The following TTC7B variants were observed in gnomAD, a reference collection of about 807,000 sequenced individuals.
TTC7B encodes the protein tetratricopeptide repeat protein 7B.
A neutral mutation model predicts 106.8 loss-of-function variants in TTC7B; 28 were observed. That is an observed-to-expected ratio of 0.26 (90% CI 0.19 to 0.36). The LOEUF is 0.36. TTC7B is among the 10% of genes least tolerant of loss of function. The pLI is 1.00. For missense variants in TTC7B, 862 were observed against 1,076.4 expected (o/e 0.80, Z 2.79); for synonymous variants, 405 against 430.6 (o/e 0.94, Z 0.74).
intron 19 of TTC7B, among the ~76,000 whole-genome samples, chr14:90,565,651 C>T (rs542363130): frequency 4.6e-5 from 7 of 152,210 alleles, no homozygotes; most frequent in East Asian, 3.9e-4. Context: ...CTGCCCGCCT[C>T]GGCCTCCCAA....
At chr14:90,694,469 A>G (rs1422677823) in intron 6 of TTC7B, among the ~76,000 whole-genome samples, 5 of 151,800 alleles carry the variant, frequency 3.3e-5, no homozygotes, top group Non-Finnish European at 4.4e-5. Context: ...AAAACTTTAA[A>G]TGAGTAAACT....
chr14:90,771,674 C>T (rs529557274), intron 3 of TTC7B, among the ~76,000 whole-genome samples: 2 of 151,414 alleles, frequency 1.3e-5, no homozygotes, highest in African/African-American at 2.4e-5. Context: ...TATTTAATGA[C>T]GTGGAAAAAT....
At chr14:90,591,337 A>C (rs1214394103) in intron 18 of TTC7B, among the ~76,000 whole-genome samples, 3 of 152,064 alleles carry the variant, frequency 2.0e-5, no homozygotes, top group African/African-American at 7.2e-5. Flanking sequence ...TGAGACTCCA[A>C]CCCCCCGAAA....
At position 90,816,352 on chromosome 14, in the gene TTC7B, C is replaced by CGGTG; in HGVS notation, c.-58_-57insCACC. On this transcript the variant is annotated 5_prime_UTR_variant, in exon 1 of 20. Transcript: ENST00000328459. ...GCAGGCCCCACCGCCGCCGCCGCGGCGCCCCCTCGCCGCCTCCCGCCGCCG... is the reference window on the plus strand; with the variant it reads ...GCAGGCCCCACCGCCGCCGCCGCGGCGGTGGCCCCCTCGCCGCCTCCCGCCGCCG... The CGGTG allele has an allele frequency of 1.1e-6, 1 of 930,592 alleles. No individual in the cohort carries two copies. The highest frequency in any genetic ancestry group is 1.3e-6 in the Non-Finnish European group (1 of 783,002). The allele number at this position is 930,592 out of a possible 1,614,324, so 57.6% of individuals were successfully genotyped here. A position where few individuals can be genotyped will look rare whatever the true frequency, so the allele number is the denominator to read the frequency against.
At chr14:90,780,490 G>GAAAGAAAGAAAGAAAGAAA (rs1891182016) in intron 3 of TTC7B, among the ~76,000 whole-genome samples, 9 of 147,646 alleles carry the variant, frequency 6.1e-5, no homozygotes, top group East Asian at 6.0e-4. Context: ...AAGAAAGAAA[G>GAAAGAAAGAAAGAAAGAAA]GAAAGAAACT....
chr14:90,709,981 G>GAAAAA (rs71461919), intron 5 of TTC7B, among the ~76,000 whole-genome samples: 65 of 76,542 alleles, frequency 8.5e-4, no homozygotes, highest in Non-Finnish European at 1.1e-3. Context: ...TTATGTGCCA[G>GAAAAA]AAAAAAAAAA....
chr14:90,679,528 G>C lies in TTC7B; in HGVS notation c.1014+944C>G, dbSNP rs946792362. Among the ~76,000 whole-genome samples, 7 of 152,320 alleles carry C rather than the reference G, an allele frequency of 4.6e-5. No homozygotes were observed. The East Asian group carries it at 9.7e-4, about 21-fold the overall frequency. On this transcript the variant is annotated intron_variant, in intron 8 of 19. Transcript: ENST00000328459. The stretch of plus-strand genomic sequence containing the variant: ...TGGCGGTAAGCGGTGACAACTATGG[G>C]GAGGGGGCAGTACAATCTCCTAGCA...
At position 90,690,192 on chromosome 14, in the gene TTC7B, T is replaced by C. The variant is rs527236265; in HGVS notation, c.778-480A>G. Among the ~76,000 whole-genome samples the C allele has an allele frequency of 9.8e-4, 149 of 152,326 alleles. 1 individual carries two copies. The highest frequency in any genetic ancestry group is 1.8e-3 in the Non-Finnish European group (120 of 68,024). On this transcript the variant is annotated intron_variant, in intron 6 of 19. Coordinates refer to ENST00000328459, the MANE Select transcript of TTC7B (RefSeq NM_001010854.2). ...CACTGTAGACGTCTTCTTTCTTACA[T>C]GTACCAATGGCAGGGCCTAATCATC... is the stretch of plus-strand genomic sequence containing the variant.
chr14:90,717,892 C>T (rs1566853337), intron 5 of TTC7B, among the ~76,000 whole-genome samples: 1 of 152,226 alleles, frequency 6.6e-6, no homozygotes, highest in Non-Finnish European at 1.5e-5. Flanking sequence ...CCAACAGATA[C>T]ATCTGGACCC....
At chr14:90,637,588 T>C (rs1884999370) in intron 15 of TTC7B, among the ~76,000 whole-genome samples, 1 of 152,144 alleles carries the variant, frequency 6.6e-6, no homozygotes, top group Admixed American at 6.5e-5. Context: ...TAGGCCTATT[T>C]TGCAAATGTA....
At chr14:90,792,237 C>T (rs1337658368) in intron 1 of TTC7B, among the ~76,000 whole-genome samples, 1 of 152,080 alleles carries the variant, frequency 6.6e-6, no homozygotes, top group Non-Finnish European at 1.5e-5. Flanking sequence ...TGGGGGAATG[C>T]GCCAGAGTCG....
At chr14:90,740,663 G>A in intron 4 of TTC7B, among the ~76,000 whole-genome samples, 1 of 151,758 alleles carries the variant, frequency 6.6e-6, no homozygotes, top group African/African-American at 2.4e-5. Flanking sequence ...CACCATGCCT[G>A]GCTAATTTTT....
At chr14:90,665,964 A>G (rs1886393897) in intron 9 of TTC7B, among the ~76,000 whole-genome samples, 1 of 152,220 alleles carries the variant, frequency 6.6e-6, no homozygotes, top group Non-Finnish European at 1.5e-5. Context: ...ATTTTGGGCC[A>G]TCACCTTATA....
intron 5 of TTC7B, among the ~76,000 whole-genome samples, chr14:90,708,982 T>C (rs1305295370): frequency 2.7e-5 from 4 of 150,688 alleles, no homozygotes; most frequent in Admixed American, 2.0e-4. Context: ...AAAACCACAA[T>C]GAGATACCAT....
At chr14:90,794,207 ATTT>A (rs1220823474) in intron 1 of TTC7B, among the ~76,000 whole-genome samples, 17,645 of 130,252 alleles carry the variant, frequency 0.14, 1,426 homozygotes, top group Non-Finnish European at 0.17. Context: ...CTGGCTGGGT[ATTT>A]CTTTTTTTTT....
At chr14:90,572,773 C>A (rs1003506267) in intron 19 of TTC7B, among the ~76,000 whole-genome samples, 6 of 152,212 alleles carry the variant, frequency 3.9e-5, no homozygotes, top group Non-Finnish European at 7.3e-5. Context: ...ATTAGATTGA[C>A]CCCTTATGGT....
chr14:90,620,545 C>G (rs1441724121), intron 15 of TTC7B, among the ~76,000 whole-genome samples: 2 of 152,146 alleles, frequency 1.3e-5, no homozygotes, highest in African/African-American at 4.8e-5. Context: ...GAGTGCCAAG[C>G]AATTGCGGCA....
At chr14:90,720,550 G>A (rs1888854104) in intron 5 of TTC7B, among the ~76,000 whole-genome samples, 1 of 152,188 alleles carries the variant, frequency 6.6e-6, no homozygotes, top group Admixed American at 6.5e-5. Flanking sequence ...GTGTGTTCCT[G>A]CAGTGTGTTC....
intron 19 of TTC7B, 72 bp from the exon 20 acceptor site, chr14:90,541,661 C>T (rs1263853682): frequency 1.0e-5 from 13 of 1,269,748 alleles, no homozygotes; most frequent in East Asian, 7.8e-5. Context: ...TACTTGTCCT[C>T]GAGTTTCCAG....
Sources: allele counts gnomAD v4.1 joint callset (sites outside exome capture counted in the v4.1 genomes callset), GRCh38; gene constraint gnomAD v4.1.1; transcripts MANE v1.5; gene names NCBI Gene and HGNC (gene_info 2026-07-23, HGNC 2026-07-21).